The following RAPGEF2 variants were observed in gnomAD, a reference collection of about 807,000 sequenced individuals.
RAPGEF2 encodes PDZ domain containing guanine nucleotide exchange factor (GEF) 1.
A neutral mutation model predicts 186.7 loss-of-function variants in RAPGEF2; 54 were observed. The observed-to-expected ratio is 0.29, with a 90% confidence interval of 0.23 to 0.36. The LOEUF (loss-of-function observed/expected upper bound fraction) is 0.36. Among genes scored for constraint, RAPGEF2 ranks in the 10% least tolerant of loss-of-function variants. RAPGEF2 has a pLI of 1.00. For missense variants in RAPGEF2, 1,532 were observed against 2,045.0 expected, an observed-to-expected ratio of 0.75 and a Z score of 4.84; for synonymous variants, 712 against 705.9, an observed-to-expected ratio of 1.01 and a Z score of -0.14.
chr4:159,246,626 T>A (rs1754653200), intron 7 of RAPGEF2, among the ~76,000 whole-genome samples: 1 of 152,194 alleles, frequency 6.6e-6, no homozygotes, highest in South Asian at 2.1e-4. Flanking sequence ...ATTCAGCTAT[T>A]GAAACAATGA....
At chr4:159,197,555 T>A (rs1748781145) in intron 3 of RAPGEF2, among the ~76,000 whole-genome samples, 1 of 152,214 alleles carries the variant, frequency 6.6e-6, no homozygotes, top group Admixed American at 6.5e-5. Context: ...GGTTTCTCTC[T>A]CTCTATTCCA....
intron 3 of RAPGEF2, among the ~76,000 whole-genome samples, chr4:159,209,447 C>T (rs1284207471): frequency 1.3e-5 from 2 of 152,242 alleles, no homozygotes; most frequent in African/African-American, 4.8e-5. Context: ...ACTCCTGATC[C>T]TCCCTGCCTG....
chr4:159,282,449 T>C (rs1181648102), intron 7 of RAPGEF2: 3 of 239,084 alleles, frequency 1.3e-5, no homozygotes, highest in African/African-American at 4.7e-5. Flanking sequence ...GACCTGTCTT[T>C]GTAGTCATTT....
rs533421517 is a variant in RAPGEF2 at position 159,169,073 on chromosome 4, G to A, written c.70-17569G>A. On this transcript the variant is annotated intron_variant, in intron 1 of 29. Coordinates refer to ENST00000691494, the MANE Select transcript of RAPGEF2 (RefSeq NM_001394067.2). Reference sequence around the variant, plus strand: ...TTGTACCAACCTTTGTATCCCCAAGGCAACATCCCAGCACAGTGCTTTGCA... The same window carrying A: ...TTGTACCAACCTTTGTATCCCCAAGACAACATCCCAGCACAGTGCTTTGCA... 2.2e-4 allele frequency among the ~76,000 whole-genome samples: 34 copies of A among 152,226 alleles called. 1 individual carries two copies. Among genetic ancestry groups the A allele is most frequent in the African/African-American group, 8.2e-4 (34 of 41,526 alleles).
At chr4:159,347,496 A>G (rs1211979626) in intron 25 of RAPGEF2, among the ~76,000 whole-genome samples, 2 of 152,242 alleles carry the variant, frequency 1.3e-5, no homozygotes, top group Non-Finnish European at 2.9e-5. Context: ...ACTAAAAGAA[A>G]AACATCAGCC....
At chr4:159,322,780 G>GGCA (rs1208932866) in intron 10 of RAPGEF2, among the ~76,000 whole-genome samples, 28 of 152,100 alleles carry the variant, frequency 1.8e-4, no homozygotes, top group African/African-American at 6.8e-4. Context: ...ACATGGCAGT[G>GGCA]GCAAGAGGAA....
intron 1 of RAPGEF2, among the ~76,000 whole-genome samples, chr4:159,124,311 G>A (rs905836058): frequency 6.6e-6 from 1 of 151,466 alleles, no homozygotes; most frequent in African/African-American, 2.4e-5. Flanking sequence ...AGACTGAGGC[G>A]GGCGGATCAC....
At chr4:159,305,887 T>A (rs1013502863) in intron 8 of RAPGEF2, among the ~76,000 whole-genome samples, 1 of 152,106 alleles carries the variant, frequency 6.6e-6, no homozygotes, top group African/African-American at 2.4e-5. Context: ...GTAATCCAAT[T>A]TTCCCAGCAC....
intron 8 of RAPGEF2, among the ~76,000 whole-genome samples, chr4:159,308,387 A>G (rs1417012772): frequency 6.6e-6 from 1 of 152,212 alleles, no homozygotes. Flanking sequence ...AGAGATTTTC[A>G]GTAGACCACT....
chr4:159,146,386 T>C (rs1187394739), intron 1 of RAPGEF2, among the ~76,000 whole-genome samples: 1 of 151,664 alleles, frequency 6.6e-6, no homozygotes, highest in Non-Finnish European at 1.5e-5. Flanking sequence ...TTTTGGTGCA[T>C]TGTAGGGATT....
At chr4:159,206,996 G>A (rs1046953046) in intron 3 of RAPGEF2, among the ~76,000 whole-genome samples, 2 of 152,122 alleles carry the variant, frequency 1.3e-5, no homozygotes, top group Non-Finnish European at 2.9e-5. Context: ...TGAATCCTTA[G>A]AAGGGATAGC....
intron 8 of RAPGEF2, among the ~76,000 whole-genome samples, chr4:159,306,850 G>A (rs1386306579): frequency 1.3e-5 from 2 of 152,076 alleles, no homozygotes; most frequent in South Asian, 2.1e-4. Flanking sequence ...TAGCTTCCTT[G>A]TGTTTTTAAA....
chr4:159,242,717 A>G (rs908436119), intron 6 of RAPGEF2, among the ~76,000 whole-genome samples: 4 of 89,546 alleles, frequency 4.5e-5, no homozygotes, highest in Non-Finnish European at 9.7e-5. Flanking sequence ...ACCATTGTCC[A>G]TAAAAAAGGT....
In RAPGEF2 at chr4:159,131,531, T is replaced by G. The variant is rs1414483983; in HGVS notation, c.69+27300T>G. ...CTGATTAATTGCTATTTTTTTTTTT[T>G]TTTTTTTTTTTTTTTAGCTTTTGCT... is the stretch of plus-strand genomic sequence containing the variant. On this transcript the variant is annotated intron_variant, in intron 1 of 29. Transcript: ENST00000691494. 6.7e-5 allele frequency among the ~76,000 whole-genome samples: 10 copies of G among 149,088 alleles called. 1 individual carries two copies. The highest frequency in any genetic ancestry group is 2.5e-4 in the African/African-American group (10 of 40,572).
intron 1 of RAPGEF2, among the ~76,000 whole-genome samples, chr4:159,118,829 C>T (rs770739776): frequency 6.6e-6 from 1 of 152,156 alleles, no homozygotes. Context: ...AGGTGATCCA[C>T]CCACCTCGGC....
chr4:159,295,758 C>T (rs374442933), intron 7 of RAPGEF2, among the ~76,000 whole-genome samples: 1,496 of 102,748 alleles, frequency 0.015, 13 homozygotes, highest in African/African-American at 0.031. Flanking sequence ...TGTGTGTGCG[C>T]GCGCGCGCGC....
chr4:159,313,051 G>A (rs949002199), intron 8 of RAPGEF2, among the ~76,000 whole-genome samples: 2 of 152,138 alleles, frequency 1.3e-5, no homozygotes, highest in African/African-American at 4.8e-5. Flanking sequence ...GGGAGGCTGA[G>A]GCATGAGAAT....
chr4:159,109,641 G>T (rs1738275661), intron 1 of RAPGEF2, among the ~76,000 whole-genome samples: 2 of 152,218 alleles, frequency 1.3e-5, no homozygotes. Flanking sequence ...ATTGTTATAA[G>T]TAGATTGTAA....
intron 7 of RAPGEF2, among the ~76,000 whole-genome samples, chr4:159,291,210 A>G (rs1761174067): frequency 6.6e-6 from 1 of 152,240 alleles, no homozygotes; most frequent in Non-Finnish European, 1.5e-5. Context: ...TTTTAGAGGT[A>G]GGATCTGAGA....
Sources: allele counts gnomAD v4.1 joint callset (sites outside exome capture counted in the v4.1 genomes callset), GRCh38; gene constraint gnomAD v4.1.1; transcripts MANE v1.5; gene names NCBI Gene and HGNC (gene_info 2026-07-23, HGNC 2026-07-21).